MYO9A: variants seen among roughly 807,000 people sequenced by gnomAD.
The protein encoded by MYO9A is unconventional myosin-IXa.
Under a neutral mutation model 293.3 loss-of-function variants are expected in MYO9A, and 103 were observed. The ratio of observed to expected loss-of-function variants is 0.35; its 90% CI spans 0.30 to 0.41. The LOEUF (loss-of-function observed/expected upper bound fraction) is 0.41, where lower values mean the gene tolerates loss of function less well. Among genes scored for constraint, MYO9A ranks in the 10% least tolerant of loss-of-function variants. The pLI, the probability that MYO9A is intolerant of heterozygous loss-of-function variation, is 1.00. For missense variants in MYO9A, 2,685 were observed against 3,033.0 expected (o/e 0.89, Z 2.69); for synonymous variants, 1,001 against 1,035.7 (o/e 0.97, Z 0.64).
Position 71,875,813 on chromosome 15 carries a change from C to G in MYO9A, c.5957G>C (p.Arg1986Thr). The part of the protein sequence containing the change: ...TKVPKTERKK[R>T]RKKETDLVEE... ...TACCAAATCAGTTTCCTTTTTCCTT[C>G]TTTTCTTTCTTTCTGTTTTTGGCAC... The change falls in exon 32 of 42, where the codon AGA becomes ACA. Residue 1986 changes from arginine (R) to threonine (T), a missense_variant. Physicochemically the swap from Arg to Thr is moderately conservative, Grantham distance 71. Transcript: ENST00000356056. 7.3e-7 allele frequency: 1 copy of G among 1,367,502 alleles called. No individual in the cohort carries two copies. The highest frequency in any genetic ancestry group is 2.0e-5 in the South Asian group (1 of 50,016). The allele number at this position is 1,367,502 out of a possible 1,614,324, so 84.7% of individuals were successfully genotyped here.
intron 1 of MYO9A, among the ~76,000 whole-genome samples, chr15:72,091,619 G>C (rs770985945): frequency 6.6e-6 from 1 of 152,048 alleles, no homozygotes; most frequent in Non-Finnish European, 1.5e-5. Flanking sequence ...AAAAAGAATG[G>C]AGATATCCAT....
rs28483716 is a variant in MYO9A at position 71,880,437 on chromosome 15, A to T, written c.5520T>A (p.Ile1840=). 1 of 1,614,084 alleles carries T rather than the reference A, an allele frequency of 6.2e-7. No individual in the cohort carries two copies. Residue 1840 remains isoleucine, a synonymous_variant, in exon 29 of 42, where the codon ATT becomes ATA. Coordinates refer to ENST00000356056, the MANE Select transcript of MYO9A (RefSeq NM_006901.4). The stretch of plus-strand genomic sequence containing the variant: ...GCATAGAATCCAAAGCCACGTTGCT[A>T]ATCTTCACACTTCGCTTGCGCTTAG... ...PKAKRKRSVK[I]SNVALDSMHW... is the part of the protein sequence containing the mutation.
Position 71,929,544 on chromosome 15 carries a change from A to T in MYO9A, c.2562+4126T>A, listed in dbSNP as rs182562868. Reference sequence around the variant, plus strand: ...CTTTTTCTGCATGTGTTGAAATGACAGTATGGTTTTTGCTATTCACTGTGT... The same window carrying T: ...CTTTTTCTGCATGTGTTGAAATGACTGTATGGTTTTTGCTATTCACTGTGT... On this transcript the variant is annotated intron_variant, in intron 18 of 41. Coordinates refer to ENST00000356056, the MANE Select transcript of MYO9A (RefSeq NM_006901.4). Among the ~76,000 whole-genome samples, 7 of 152,306 alleles carry T rather than the reference A, an allele frequency of 4.6e-5. No homozygotes were observed. The East Asian group carries it at 1.2e-3, about 25-fold the overall frequency.
chr15:72,057,732 T>G (rs765483465), intron 1 of MYO9A, among the ~76,000 whole-genome samples: 44 of 152,308 alleles, frequency 2.9e-4, no homozygotes, highest in Non-Finnish European at 5.0e-4. Context: ...ATTCCCTGAA[T>G]GCATAAAAGA....
chr15:71,984,487 A>AG (rs1461916756), intron 11 of MYO9A, among the ~76,000 whole-genome samples: 2 of 152,160 alleles, frequency 1.3e-5, no homozygotes, highest in African/African-American at 2.4e-5. Context: ...TTGTTTTGAC[A>AG]GTTTTGGAAC....
At chr15:71,936,172 GACAA>G (rs2058638479) in intron 16 of MYO9A, among the ~76,000 whole-genome samples, 1 of 151,932 alleles carries the variant, frequency 6.6e-6, no homozygotes. Flanking sequence ...GGACAACATG[GACAA>G]ACATAGAGTA....
intron 14 of MYO9A, among the ~76,000 whole-genome samples, chr15:71,952,741 A>G (rs1449539233): frequency 1.3e-5 from 2 of 152,254 alleles, no homozygotes; most frequent in Non-Finnish European, 2.9e-5. Flanking sequence ...AACAAAGTAC[A>G]TAATAATATA....
rs77677016 is a variant in MYO9A, at chr15:71,858,854, T to TAA, written c.6153+879_6153+880dup. Among the ~76,000 whole-genome samples, 48 of 125,440 alleles carry TAA rather than the reference T, an allele frequency of 3.8e-4. No individual in the cohort carries two copies. The East Asian group carries it at 4.9e-3, about 13-fold the overall frequency. The allele number at this position is 125,440 out of a possible 152,430, so 82.3% of individuals were successfully genotyped here. On this transcript the variant is annotated intron_variant, in intron 34 of 41. Transcript: ENST00000356056. ...ATGTACTCTAGAACTTAAAGTATAA[T>TAA]AAAAAAAAAAAAAAGGAAAATTCCC...
chr15:71,944,366 A>AG (rs2058856533), intron 15 of MYO9A, among the ~76,000 whole-genome samples: 1 of 152,046 alleles, frequency 6.6e-6, no homozygotes, highest in African/African-American at 2.4e-5. Context: ...CAATTTGTTA[A>AG]TTTTTTCCTT....
chr15:71,921,476 C>A (rs1478140021), intron 18 of MYO9A, among the ~76,000 whole-genome samples: 1 of 152,176 alleles, frequency 6.6e-6, no homozygotes, highest in Non-Finnish European at 1.5e-5. Flanking sequence ...TCCACCCACT[C>A]CTTCTCCCGC....
intron 32 of MYO9A, among the ~76,000 whole-genome samples, chr15:71,868,978 T>C (rs2056424684): frequency 6.6e-6 from 1 of 152,194 alleles, no homozygotes; most frequent in South Asian, 2.1e-4. Context: ...ATTTGTCCAG[T>C]GGCACTTCCT....
In MYO9A at chr15:71,826,735, C is replaced by T. The variant is rs2054518779; in HGVS notation, c.7492G>A (p.Gly2498Ser). 6.2e-7 allele frequency: 1 copy of T among 1,613,970 alleles called. No homozygotes were observed. The highest frequency in any genetic ancestry group is 1.7e-5 in the Admixed American group (1 of 59,996). ...TTCACATTCTTTAATTTTTGTTTGC[C>T]CTTTTCCGGGTTGAAGGTTCCTCTG... ...ISRGTFNPEK[G>S]KQKLKNVKNS... Residue 2498 changes from glycine to serine, a missense_variant, in exon 42 of 42, where the codon GGC (glycine) becomes AGC (serine). By Grantham distance (56) the Gly-to-Ser change is moderately conservative (BLOSUM62 0). Coordinates refer to ENST00000356056, the MANE Select transcript of MYO9A (RefSeq NM_006901.4).
chr15:71,857,859 T>TGACAAAGGGCTAATATCCAGAATC, intron 34 of MYO9A, among the ~76,000 whole-genome samples: 3 of 152,270 alleles, frequency 2.0e-5, no homozygotes, highest in African/African-American at 7.2e-5. Context: ...TCTACTCATC[T>TGACAAAGGGCTAATATCCAGAATC]GACAAAGGGC....
intron 8 of MYO9A, 44 bp downstream of exon 8, chr15:72,007,777 TAAAAA>T: frequency 6.4e-7 from 1 of 1,571,718 alleles, no homozygotes; most frequent in Non-Finnish European, 8.6e-7. Flanking sequence ...AAATAAAAAA[TAAAAA>T]GTTACAAAGA....
chr15:71,958,462 C>T (rs1362148087), intron 14 of MYO9A: 1 of 152,082 alleles, frequency 6.6e-6, no homozygotes, highest in Non-Finnish European at 1.5e-5. Context: ...CTTTCGGAAA[C>T]AAATCTGCTC....
chr15:71,968,813 AAG>A (rs1407679003), intron 12 of MYO9A, among the ~76,000 whole-genome samples: 7 of 152,158 alleles, frequency 4.6e-5, no homozygotes, highest in East Asian at 1.9e-4. Context: ...AAGGGTTTCA[AAG>A]AGAGAAAATA....
At position 71,899,965 on chromosome 15, in the gene MYO9A, A is replaced by G; in HGVS notation, c.3192T>C (p.Asp1064=). 6.2e-7 allele frequency: 1 copy of G among 1,612,778 alleles called. No individual in the cohort carries two copies. Among genetic ancestry groups the G allele is most frequent in the Non-Finnish European group, 8.5e-7 (1 of 1,178,904 alleles). The change falls in exon 24 of 42, where the codon GAT becomes GAC. Residue 1064 remains aspartate (D), a synonymous_variant. Coordinates refer to ENST00000356056, the MANE Select transcript of MYO9A (RefSeq NM_006901.4). ...CAAAAGCATCCTTCTGCACAGCTGCATCTCTGACTTGCTTCTGATTTAGGT... is the reference window on the plus strand; with the variant it reads ...CAAAAGCATCCTTCTGCACAGCTGCGTCTCTGACTTGCTTCTGATTTAGGT... ...RNYLNQKQVR[D]AAVQKDAFVM...
chr15:72,109,484 ATAAT>A (rs1241176365), intron 1 of MYO9A, among the ~76,000 whole-genome samples: 2 of 152,198 alleles, frequency 1.3e-5, no homozygotes, highest in Non-Finnish European at 2.9e-5. Context: ...GTTGATAGAC[ATAAT>A]TAGTGTTCTC....
chr15:71,961,750 A>C (rs1168989841), intron 13 of MYO9A, among the ~76,000 whole-genome samples: 1 of 152,088 alleles, frequency 6.6e-6, no homozygotes, highest in Non-Finnish European at 1.5e-5. Flanking sequence ...TTTTTAAACA[A>C]GGTCTCGCTC....
Sources: allele counts gnomAD v4.1 joint callset (sites outside exome capture counted in the v4.1 genomes callset), GRCh38; gene constraint gnomAD v4.1.1; transcripts MANE v1.5; gene names NCBI Gene and HGNC (gene_info 2026-07-23, HGNC 2026-07-21).